Variants in MALRD1 observed in about 807,000 individuals in gnomAD.
The protein encoded by MALRD1 is MAM and LDL receptor class A domain containing 1, also known as MAM and LDL-receptor class A domain-containing protein 1.
A neutral mutation model predicts 242.1 loss-of-function variants in MALRD1; 247 were observed. The observed-to-expected ratio is 1.02, with a 90% CI of 0.92 to 1.13. MALRD1 has a LOEUF of 1.13. Ranked by LOEUF, MALRD1 falls within the 50% of genes most tolerant of loss-of-function variation. The pLI, the probability that MALRD1 is intolerant of heterozygous loss-of-function variation, is 0.00. For missense variants in MALRD1, 2,989 were observed against 2,533.1 expected (o/e 1.18, Z -3.86); for synonymous variants, 995 against 866.6 (o/e 1.15, Z -2.60).
chr10:19,448,136 G>A (rs564137790), intron 28 of MALRD1, among the ~76,000 whole-genome samples: 4 of 152,098 alleles, frequency 2.6e-5, no homozygotes, highest in South Asian at 2.1e-4. Flanking sequence ...CTGAAAACAC[G>A]AAGTTATGAA....
intron 26 of MALRD1, among the ~76,000 whole-genome samples, chr10:19,381,997 G>A (rs1002704000): frequency 6.6e-6 from 1 of 152,052 alleles, no homozygotes; most frequent in East Asian, 1.9e-4. Context: ...TACGAAATTT[G>A]TATGTGTATA....
At chr10:19,441,260 A>T (rs1403592918) in intron 28 of MALRD1, among the ~76,000 whole-genome samples, 1 of 152,128 alleles carries the variant, frequency 6.6e-6, no homozygotes, top group African/African-American at 2.4e-5. Context: ...AGATGGGTAG[A>T]TTGTAAAAAT....
At chr10:19,210,001 T>C (rs1836975753) in intron 18 of MALRD1, among the ~76,000 whole-genome samples, 2 of 152,166 alleles carry the variant, frequency 1.3e-5, no homozygotes, top group African/African-American at 2.4e-5. Flanking sequence ...CAATCTCTGA[T>C]ATTTTGCAAA....
At chr10:19,556,216 C>T (rs1835710495) in intron 32 of MALRD1, among the ~76,000 whole-genome samples, 1 of 152,016 alleles carries the variant, frequency 6.6e-6, no homozygotes, top group Non-Finnish European at 1.5e-5. Context: ...CTTGTCCTAC[C>T]CAGTTTTCAT....
chr10:19,457,781 A>G (rs1254176033), intron 29 of MALRD1, among the ~76,000 whole-genome samples: 3 of 150,520 alleles, frequency 2.0e-5, no homozygotes, highest in Non-Finnish European at 3.0e-5. Flanking sequence ...AAAATAAGTG[A>G]TATCAGACAT....
At chr10:19,405,366 T>C (rs759093631) in intron 28 of MALRD1, among the ~76,000 whole-genome samples, 2 of 152,182 alleles carry the variant, frequency 1.3e-5, no homozygotes, top group Non-Finnish European at 2.9e-5. Context: ...CAGAGTTGTT[T>C]ACTGTGCACT....
At chr10:19,319,185 G>A (rs1564558470) in intron 21 of MALRD1, among the ~76,000 whole-genome samples, 1 of 151,258 alleles carries the variant, frequency 6.6e-6, no homozygotes, top group Admixed American at 6.6e-5. Context: ...TTTCCTTTAC[G>A]GTTAGTGATT....
intron 18 of MALRD1, among the ~76,000 whole-genome samples, chr10:19,256,352 A>G (rs1232337463): frequency 1.3e-5 from 2 of 152,058 alleles, no homozygotes; most frequent in African/African-American, 4.8e-5. Context: ...ATGTTCTTTC[A>G]AATTCTGTCT....
At chr10:19,664,648 A>G (rs936553209) in intron 36 of MALRD1, among the ~76,000 whole-genome samples, 2 of 151,952 alleles carry the variant, frequency 1.3e-5, no homozygotes, top group African/African-American at 2.4e-5. Flanking sequence ...TGTATTACTG[A>G]TACAGTTTTT....
chr10:19,351,436 A>G (rs1844373740), intron 25 of MALRD1, among the ~76,000 whole-genome samples: 2 of 152,280 alleles, frequency 1.3e-5, no homozygotes, highest in Non-Finnish European at 2.9e-5. Context: ...GTGAAGGCCC[A>G]TTTGTAGCAT....
intron 28 of MALRD1, among the ~76,000 whole-genome samples, chr10:19,423,335 T>A (rs1833783719): frequency 1.3e-5 from 2 of 152,078 alleles, no homozygotes; most frequent in South Asian, 4.1e-4. Flanking sequence ...ATTATAATGA[T>A]GATTTCTACT....
At chr10:19,434,033 G>GT (rs1347784631) in intron 28 of MALRD1, among the ~76,000 whole-genome samples, 1 of 152,046 alleles carries the variant, frequency 6.6e-6, no homozygotes, top group Non-Finnish European at 1.5e-5. Context: ...GACTGGTATG[G>GT]TAAAAACGAA....
chr10:19,119,023 A>G (rs370841784), intron 5 of MALRD1, among the ~76,000 whole-genome samples: 22 of 152,172 alleles, frequency 1.4e-4, no homozygotes, highest in East Asian at 7.7e-4. Context: ...CAGGAAAGAG[A>G]TGATGTTTCC....
intron 2 of MALRD1, among the ~76,000 whole-genome samples, chr10:19,072,164 G>A (rs1158641471): frequency 6.6e-6 from 1 of 152,092 alleles, no homozygotes; most frequent in Non-Finnish European, 1.5e-5. Context: ...ATGTTGCTTG[G>A]GAGCATCTAT....
chr10:19,707,375 C>T (rs1833915097), intron 38 of MALRD1, among the ~76,000 whole-genome samples: 1 of 152,070 alleles, frequency 6.6e-6, no homozygotes, highest in Admixed American at 6.6e-5. Context: ...TCAAATTTTC[C>T]AATTTAAGTA....
At chr10:19,539,214 G>A (rs530345633) in intron 32 of MALRD1, among the ~76,000 whole-genome samples, 2 of 152,264 alleles carry the variant, frequency 1.3e-5, no homozygotes, top group South Asian at 2.1e-4. Context: ...AATGAGGCAA[G>A]TACTGACGTT....
At position 19,126,645 on chromosome 10, in the gene MALRD1, T is replaced by G. The variant is rs1837292333; in HGVS notation, c.944-1576T>G. ...ATTTCTTTTTTCTACAATTTATAAATGTAATTCGTTTTTGCTGTCTTTAGC... is the reference window on the plus strand; with the variant it reads ...ATTTCTTTTTTCTACAATTTATAAAGGTAATTCGTTTTTGCTGTCTTTAGC... On this transcript the variant is annotated intron_variant, in intron 7 of 39. Coordinates refer to ENST00000454679, the MANE Select transcript of MALRD1 (RefSeq NM_001142308.3). Among the ~76,000 whole-genome samples the G allele has an allele frequency of 2.6e-5, 4 of 152,260 alleles. No homozygotes were observed. In the South Asian group the frequency reaches 6.2e-4, roughly 24 times the overall value.
At chr10:19,400,006 A>G (rs766857251) in intron 28 of MALRD1, among the ~76,000 whole-genome samples, 1 of 152,168 alleles carries the variant, frequency 6.6e-6, no homozygotes, top group Non-Finnish European at 1.5e-5. Context: ...TAGGATTACA[A>G]CTTTCTTCTG....
At chr10:19,470,017 A>G (rs1836417018) in intron 29 of MALRD1, among the ~76,000 whole-genome samples, 1 of 151,998 alleles carries the variant, frequency 6.6e-6, no homozygotes, top group Admixed American at 6.6e-5. Context: ...TAGTGTTGTT[A>G]TCTGGAGGCA....
Sources: gnomAD v4.1 joint callset for allele counts (sites outside exome capture counted in the v4.1 genomes callset) on GRCh38, gnomAD v4.1.1 for gene constraint, MANE v1.5 for transcripts, NCBI Gene and HGNC (gene_info 2026-07-23, HGNC 2026-07-21) for gene names.